SUCLG2: variants seen among roughly 807,000 people sequenced by gnomAD.
The protein encoded by SUCLG2 is succinate--CoA ligase [GDP-forming] subunit beta, mitochondrial.
In SUCLG2, 42 loss-of-function variants were observed where a neutral mutation model predicts 47.9. The ratio of observed to expected loss-of-function variants is 0.88; its 90% CI spans 0.69 to 1.14. SUCLG2 has a LOEUF of 1.14. Among genes scored for constraint, SUCLG2 ranks in the 50% most tolerant of loss-of-function variants. The pLI is 0.00. For missense variants in SUCLG2, 571 were observed against 525.9 expected (o/e 1.09, Z -0.84); for synonymous variants, 195 against 197.3 (o/e 0.99, Z 0.10).
intron 9 of SUCLG2, among the ~76,000 whole-genome samples, chr3:67,435,628 C>T (rs1703600422): frequency 6.6e-6 from 1 of 152,210 alleles, no homozygotes; most frequent in Non-Finnish European, 1.5e-5. Flanking sequence ...TATGTCCACA[C>T]ATATGTGCCT....
intron 10 of SUCLG2, among the ~76,000 whole-genome samples, chr3:67,385,012 A>G (rs898179373): frequency 2.6e-5 from 4 of 152,232 alleles, no homozygotes; most frequent in Admixed American, 1.3e-4. Flanking sequence ...CTTAGCGTCT[A>G]TAAGACACTA....
At chr3:67,422,472 TCAAA>T (rs1703185800) in intron 9 of SUCLG2, among the ~76,000 whole-genome samples, 1 of 12,324 alleles carries the variant, frequency 8.1e-5, no homozygotes, top group Admixed American at 1.5e-3. Context: ...AGACTCCATC[TCAAA>T]AAAAAAAAAA....
chr3:67,621,186 G>A (rs760613176), intron 1 of SUCLG2, among the ~76,000 whole-genome samples: 2 of 152,114 alleles, frequency 1.3e-5, no homozygotes, highest in Non-Finnish European at 2.9e-5. Context: ...GCTTTATTTG[G>A]CTAGCAGGCC....
chr3:67,388,843 AT>A (rs1242880494), intron 10 of SUCLG2, among the ~76,000 whole-genome samples: 1 of 152,190 alleles, frequency 6.6e-6, no homozygotes, highest in African/African-American at 2.4e-5. Flanking sequence ...TAAAAGGAGA[AT>A]TTCCAAGTTG....
intron 2 of SUCLG2, among the ~76,000 whole-genome samples, chr3:67,553,598 AC>A (rs1351072796): frequency 6.6e-6 from 1 of 152,224 alleles, no homozygotes; most frequent in Non-Finnish European, 1.5e-5. Flanking sequence ...AACTGCATTT[AC>A]AAACTCATTA....
intron 2 of SUCLG2, among the ~76,000 whole-genome samples, chr3:67,579,587 C>G (rs1171375866): frequency 6.6e-6 from 1 of 152,212 alleles, no homozygotes; most frequent in Non-Finnish European, 1.5e-5. Context: ...AGAGGGGTCT[C>G]TCTGTCCTGG....
intron 9 of SUCLG2, among the ~76,000 whole-genome samples, chr3:67,482,322 G>A (rs1020579139): frequency 3.3e-5 from 5 of 152,138 alleles, no homozygotes; most frequent in African/African-American, 1.2e-4. Flanking sequence ...TTCACTTTCC[G>A]TCCTATACCT....
chr3:67,428,493 A>C (rs1005907988), intron 9 of SUCLG2, among the ~76,000 whole-genome samples: 1 of 152,222 alleles, frequency 6.6e-6, no homozygotes, highest in Non-Finnish European at 1.5e-5. Flanking sequence ...AGATGGTGAG[A>C]AACCAGAGCA....
At chr3:67,475,679 C>T (rs1171017135) in intron 9 of SUCLG2, among the ~76,000 whole-genome samples, 3 of 152,036 alleles carry the variant, frequency 2.0e-5, no homozygotes, top group Non-Finnish European at 4.4e-5. Context: ...TATGTGTTCA[C>T]CTCGCTTCCG....
intron 9 of SUCLG2, among the ~76,000 whole-genome samples, chr3:67,418,807 C>T (rs1457951384): frequency 6.6e-6 from 1 of 152,152 alleles, no homozygotes; most frequent in Admixed American, 6.5e-5. Flanking sequence ...CTACCTTTAA[C>T]TGTTCTTCAT....
intron 9 of SUCLG2, among the ~76,000 whole-genome samples, chr3:67,488,211 G>T (rs1342723468): frequency 6.6e-6 from 1 of 151,514 alleles, no homozygotes; most frequent in Non-Finnish European, 1.5e-5. Flanking sequence ...TTAGGAAAAG[G>T]GACTACTATT....
In SUCLG2 at chr3:67,646,885, C is replaced by T. The variant is rs147421038; in HGVS notation, c.84+7618G>A. Among the ~76,000 whole-genome samples the T allele has an allele frequency of 1.1e-4, 17 of 152,274 alleles. No homozygotes were observed. The East Asian group carries it at 2.9e-3, about 26-fold the overall frequency. ...CACTATATCCAGAAAGAGTACTCTACGCATTAAACTGCCCTTGCCACTTCA... is the reference window on the plus strand; with the variant it reads ...CACTATATCCAGAAAGAGTACTCTATGCATTAAACTGCCCTTGCCACTTCA... On this transcript the variant is annotated intron_variant, in intron 1 of 10. Coordinates refer to ENST00000307227, the MANE Select transcript of SUCLG2 (RefSeq NM_003848.4).
chr3:67,409,408 T>C (rs1401751378), intron 9 of SUCLG2, among the ~76,000 whole-genome samples: 1 of 152,110 alleles, frequency 6.6e-6, no homozygotes, highest in African/African-American at 2.4e-5. Flanking sequence ...ATTTTAGATA[T>C]CAGGCAGTGG....
chr3:67,527,886 G>C (rs967983157), intron 4 of SUCLG2, among the ~76,000 whole-genome samples: 1 of 152,004 alleles, frequency 6.6e-6, no homozygotes, highest in African/African-American at 2.4e-5. Context: ...GCCATTGCTC[G>C]GTCACTCACC....
At chr3:67,506,994 T>G (rs1327114829) in intron 7 of SUCLG2, among the ~76,000 whole-genome samples, 1 of 152,228 alleles carries the variant, frequency 6.6e-6, no homozygotes, top group Non-Finnish European at 1.5e-5. Context: ...TTGTAACTTC[T>G]GACTAGCCCC....
intron 9 of SUCLG2, among the ~76,000 whole-genome samples, chr3:67,492,098 A>T (rs1705221653): frequency 6.6e-6 from 1 of 152,218 alleles, no homozygotes; most frequent in African/African-American, 2.4e-5. Context: ...CTTAGAAAAT[A>T]TGATTCAAAG....
At chr3:67,586,673 C>G (rs1480473656) in intron 2 of SUCLG2, among the ~76,000 whole-genome samples, 1 of 152,170 alleles carries the variant, frequency 6.6e-6, no homozygotes, top group Non-Finnish European at 1.5e-5. Flanking sequence ...TTGAAATGCT[C>G]TAGACCAAAG....
At position 67,528,171 on chromosome 3, in the gene SUCLG2, C is replaced by A. The variant is rs779436281; in HGVS notation, c.378G>T (p.Ala126=). 2.5e-6 allele frequency: 4 copies of A among 1,613,700 alleles called. No individual in the cohort carries two copies. Among genetic ancestry groups the A allele is most frequent in the Non-Finnish European group, 3.4e-6 (4 of 1,179,858 alleles). ...CACCTTCTTTTGGAGTTTGTTTTGTCGCTAGATTGTACCCAATCATCTGTT... is the reference window on the plus strand; with the variant it reads ...CACCTTCTTTTGGAGTTTGTTTTGTAGCTAGATTGTACCCAATCATCTGTT... ...LAKQMIGYNL[A]TKQTPKEGVK... is the part of the protein sequence containing the mutation. Residue 126 remains alanine, a synonymous_variant, in exon 4 of 11, where the codon GCG becomes GCT. Transcript: ENST00000307227.
At chr3:67,433,441 T>C (rs1703536390) in intron 9 of SUCLG2, among the ~76,000 whole-genome samples, 1 of 152,056 alleles carries the variant, frequency 6.6e-6, no homozygotes, top group African/African-American at 2.4e-5. Context: ...TGATGCCCAC[T>C]GAGGATAAAG....
Sources: gnomAD v4.1 joint callset for allele counts (sites outside exome capture counted in the v4.1 genomes callset) on GRCh38, gnomAD v4.1.1 for gene constraint, MANE v1.5 for transcripts, NCBI Gene and HGNC (gene_info 2026-07-23, HGNC 2026-07-21) for gene names.